The following POLR2B variants were observed in gnomAD, a reference collection of about 807,000 sequenced individuals.
The protein encoded by POLR2B is DNA-directed RNA polymerase II subunit RPB2.
A neutral mutation model predicts 144.6 loss-of-function variants in POLR2B; 57 were observed. The ratio of observed to expected loss-of-function variants is 0.39; its 90% CI spans 0.32 to 0.49. POLR2B has a LOEUF of 0.49. Among genes scored for constraint, POLR2B ranks in the 20% least tolerant of loss-of-function variants. The pLI, the probability that POLR2B is intolerant of heterozygous loss-of-function variation, is 0.83. For synonymous variants in POLR2B, 442 were observed against 469.8 expected, an observed-to-expected ratio of 0.94 and a Z score of 0.77; for missense variants, 595 against 1,467.4, an observed-to-expected ratio of 0.41 and a Z score of 9.71.
intron 3 of POLR2B, 43 bp downstream of exon 3, chr4:56,990,941 G>T: frequency 1.3e-6 from 2 of 1,535,816 alleles, no homozygotes; most frequent in Non-Finnish European, 1.8e-6. Flanking sequence ...GAAGCGTATT[G>T]GTTTGAAATT....
chr4:57,024,061 C>T lies in POLR2B; in HGVS notation c.2913C>T (p.Ala971=), dbSNP rs774919307. 4 of 1,610,346 alleles carry T rather than the reference C, an allele frequency of 2.5e-6. No individual in the cohort carries two copies. The highest frequency in any genetic ancestry group is 2.2e-5 in the South Asian group (2 of 90,836). The change falls in exon 21 of 25, where the codon GCC becomes GCT. Residue 971 remains alanine, a synonymous_variant. Transcript: ENST00000314595. ...CTGATATCATCATCAATCCCCATGC[C>T]ATCCCCTCTCGTATGACTATTGGTC... is the stretch of plus-strand genomic sequence containing the variant. ...ITPDIIINPH[A]IPSRMTIGHL...
chr4:56,990,981 T>TA, intron 3 of POLR2B, 83 bp downstream of exon 3: 3 of 1,203,676 alleles, frequency 2.5e-6, no homozygotes, highest in Non-Finnish European at 3.4e-6. Flanking sequence ...GCTTAAAGGT[T>TA]AAAAAAAGTC....
At chr4:57,029,575 AT>A (rs1723842539) in intron 23 of POLR2B, among the ~76,000 whole-genome samples, 1 of 152,196 alleles carries the variant, frequency 6.6e-6, no homozygotes, top group South Asian at 2.1e-4. Flanking sequence ...GGCCATCTGA[AT>A]AATGCATTTA....
At chr4:56,989,531 A>T (rs1722447293) in intron 2 of POLR2B, among the ~76,000 whole-genome samples, 1 of 152,214 alleles carries the variant, frequency 6.6e-6, no homozygotes, top group African/African-American at 2.4e-5. Context: ...CCTGTCACTG[A>T]TGTGCGAGGT....
At chr4:57,029,131 T>G (rs1723826866) in intron 23 of POLR2B, among the ~76,000 whole-genome samples, 1 of 152,166 alleles carries the variant, frequency 6.6e-6, no homozygotes, top group Non-Finnish European at 1.5e-5. Flanking sequence ...AGATTTAGCG[T>G]TTGAGTTTTT....
intron 2 of POLR2B, among the ~76,000 whole-genome samples, chr4:56,988,044 A>C (rs2109649079): frequency 6.6e-6 from 1 of 152,226 alleles, no homozygotes; most frequent in East Asian, 1.9e-4. Context: ...TGGGTAACAT[A>C]GTGAGACCTT....
At chr4:57,026,715 C>T (rs1026670458) in intron 23 of POLR2B, among the ~76,000 whole-genome samples, 3 of 151,660 alleles carry the variant, frequency 2.0e-5, no homozygotes, top group Admixed American at 6.6e-5. Context: ...GAGCCAAGAT[C>T]GTGCCACTGC....
chr4:56,999,520 C>A, intron 6 of POLR2B, 97 bp from the exon 7 acceptor site: 2 of 726,804 alleles, frequency 2.8e-6, no homozygotes, highest in South Asian at 2.7e-5. Flanking sequence ...TTGAAATGTG[C>A]ACAAAGAATA....
At chr4:57,002,751 T>C (rs370943392) in intron 7 of POLR2B, 3 of 152,112 alleles carry the variant, frequency 2.0e-5, no homozygotes, top group South Asian at 4.1e-4. Flanking sequence ...AGCATGTCTC[T>C]GTGTAAGGAT....
chr4:56,980,212 C>CAATGT (rs1722114020), intron 1 of POLR2B, among the ~76,000 whole-genome samples: 1 of 151,802 alleles, frequency 6.6e-6, no homozygotes, highest in Non-Finnish European at 1.5e-5. Flanking sequence ...AAGCATGAGC[C>CAATGT]AATGTGCCCA....
chr4:57,026,310 C>T (rs1723718615), intron 23 of POLR2B, among the ~76,000 whole-genome samples: 1 of 152,092 alleles, frequency 6.6e-6, no homozygotes, highest in East Asian at 1.9e-4. Flanking sequence ...GAACTCATGG[C>T]CACAATCCTC....
At chr4:56,989,416 A>G (rs1440233002) in intron 2 of POLR2B, among the ~76,000 whole-genome samples, 1 of 152,232 alleles carries the variant, frequency 6.6e-6, no homozygotes, top group African/African-American at 2.4e-5. Context: ...TATTTAGGTC[A>G]TACCTTACAC....
At chr4:56,991,263 A>G (rs1182355952) in intron 3 of POLR2B, among the ~76,000 whole-genome samples, 1 of 152,234 alleles carries the variant, frequency 6.6e-6, no homozygotes, top group Non-Finnish European at 1.5e-5. Flanking sequence ...GATTTTATAT[A>G]TTGCATGAAG....
chr4:57,026,163 G>A (rs1280684408), intron 23 of POLR2B, among the ~76,000 whole-genome samples: 1 of 151,344 alleles, frequency 6.6e-6, no homozygotes, highest in Non-Finnish European at 1.5e-5. Flanking sequence ...ACTTGAACCT[G>A]GGAGGCGGAG....
In POLR2B at chr4:56,994,442, C is replaced by T. The variant is rs777612478; in HGVS notation, c.282C>T (p.Ser94=). ...TGAAGTTTGAACAAATTTATCTTTC[C>T]AAGCCTACCCATTGGGAAAGAGATG... ...YLLKFEQIYL[S]KPTHWERDGA... Residue 94 remains serine, a synonymous_variant, in exon 4 of 25, where the codon TCC becomes TCT. Transcript: ENST00000314595. 5.6e-6 allele frequency: 9 copies of T among 1,607,974 alleles called. No homozygotes were observed. Among genetic ancestry groups the T allele is most frequent in the Non-Finnish European group, 7.7e-6 (9 of 1,174,710 alleles).
At chr4:57,006,580 C>A (rs1015178417) in intron 9 of POLR2B, among the ~76,000 whole-genome samples, 1 of 152,320 alleles carries the variant, frequency 6.6e-6, no homozygotes, top group South Asian at 2.1e-4. Context: ...GCTGGGATTA[C>A]AGATGTGAGC....
chr4:56,979,893 T>C (rs1722101323), intron 1 of POLR2B, among the ~76,000 whole-genome samples: 2 of 71,344 alleles, frequency 2.8e-5, no homozygotes, highest in Non-Finnish European at 3.0e-5. Context: ...AGTTAGACTG[T>C]CTCAAAAAAA....
At chr4:56,990,285 A>G (rs1046316579) in intron 2 of POLR2B, among the ~76,000 whole-genome samples, 22 of 151,868 alleles carry the variant, frequency 1.4e-4, no homozygotes, top group African/African-American at 4.8e-4. Context: ...GAGTGCAATG[A>G]TGCAATCATG....
chr4:57,023,181 T>C lies in POLR2B; in HGVS notation c.2516-149T>C. On this transcript the variant is annotated intron_variant, in intron 18 of 24. Coordinates refer to ENST00000314595, the MANE Select transcript of POLR2B (RefSeq NM_000938.3). This position sits in a 1 kb window ranked among gnomAD's most constrained non-coding sequence, Gnocchi z 4.3. Reference sequence around the variant, plus strand: ...TTCTGTGTGGGCTGTAGTATTAGAGTTCAGAATAGTTTGTAATATTTGGAA... The same window carrying C: ...TTCTGTGTGGGCTGTAGTATTAGAGCTCAGAATAGTTTGTAATATTTGGAA... The C allele has an allele frequency of 1.4e-6, 1 of 699,076 alleles. No individual in the cohort carries two copies. Among genetic ancestry groups the C allele is most frequent in the African/African-American group, 1.8e-5 (1 of 55,846 alleles). The allele number at this position is 699,076 out of a possible 1,614,324, so 43.3% of individuals were successfully genotyped here.
Sources: gnomAD v4.1 joint callset for allele counts (sites outside exome capture counted in the v4.1 genomes callset) on GRCh38, gnomAD v4.1.1 for gene constraint, Gnocchi (gnomAD v3.1) non-coding constraint, MANE v1.5 for transcripts, NCBI Gene and HGNC (gene_info 2026-07-23, HGNC 2026-07-21) for gene names.